The following ENPP3 variants were observed in gnomAD, a reference collection of about 807,000 sequenced individuals.
ENPP3 encodes the protein ectonucleotide pyrophosphatase/phosphodiesterase 3.
Under a neutral mutation model 117.8 loss-of-function variants are expected in ENPP3, and 104 were observed. The observed-to-expected ratio is 0.88, with a 90% CI of 0.75 to 1.04. ENPP3 has a LOEUF of 1.04. Among genes scored for constraint, ENPP3 ranks in the 50% least tolerant of loss-of-function variants. The probability of loss-of-function intolerance (pLI) is 0.00; values close to 1 mark genes in which losing one functional copy is unlikely to be tolerated. For missense variants in ENPP3, 1,026 were observed against 1,051.9 expected (o/e 0.98, Z 0.34); for synonymous variants, 380 against 349.9 (o/e 1.09, Z -0.96).
intron 15 of ENPP3, among the ~76,000 whole-genome samples, chr6:131,696,768 CCTTT>C (rs1194823679): frequency 6.9e-6 from 1 of 144,464 alleles, no homozygotes; most frequent in Non-Finnish European, 1.5e-5. Flanking sequence ...ACCCAGAGCA[CCTTT>C]TTTTTTTTTT....
chr6:131,652,949 T>C (rs1326993697), intron 5 of ENPP3, 58 bp downstream of exon 5: 2 of 1,151,190 alleles, frequency 1.7e-6, no homozygotes, highest in African/African-American at 3.1e-5. Context: ...CACATAAGAA[T>C]GTAGTTAGTT....
At chr6:131,650,890 C>T (rs1778248259) in intron 3 of ENPP3, among the ~76,000 whole-genome samples, 1 of 152,070 alleles carries the variant, frequency 6.6e-6, no homozygotes, top group African/African-American at 2.4e-5. Context: ...AAGGTCTACC[C>T]TAATGACCTC....
At chr6:131,660,673 G>A (rs1778479848) in intron 6 of ENPP3, among the ~76,000 whole-genome samples, 1 of 152,168 alleles carries the variant, frequency 6.6e-6, no homozygotes, top group East Asian at 1.9e-4. Flanking sequence ...TTCATGAACA[G>A]CAGAGCTCTT....
At chr6:131,655,541 C>T (rs57126395) in intron 5 of ENPP3, among the ~76,000 whole-genome samples, 3,125 of 152,214 alleles carry the variant, frequency 0.021, 97 homozygotes, top group African/African-American at 0.072. Context: ...ATCAGAAGAA[C>T]GGGTAAGGGG....
In ENPP3 at chr6:131,653,607, G is replaced by A. The variant is rs540683640; in HGVS notation, c.464+716G>A. ...GTCTTCTTTTTTTAAATAAAGATAG[G>A]GTCTCGCAATGTTGGCTAGGTTGAT... On this transcript the variant is annotated intron_variant, in intron 5 of 24. Coordinates refer to ENST00000357639, the MANE Select transcript of ENPP3 (RefSeq NM_005021.5). Among the ~76,000 whole-genome samples, 3 of 151,882 alleles carry A rather than the reference G, an allele frequency of 2.0e-5. No homozygotes were observed. The South Asian group carries it at 6.2e-4, about 32-fold the overall frequency.
intron 21 of ENPP3, 61 bp downstream of exon 21, chr6:131,733,784 A>G: frequency 6.4e-7 from 1 of 1,567,988 alleles, no homozygotes; most frequent in African/African-American, 1.3e-5. Flanking sequence ...GGATGTGGGC[A>G]TGTGCCTTAA....
At chr6:131,734,908 A>G (rs1780364194) in intron 21 of ENPP3, among the ~76,000 whole-genome samples, 1 of 152,028 alleles carries the variant, frequency 6.6e-6, no homozygotes, top group Non-Finnish European at 1.5e-5. Flanking sequence ...TCAAAAAAAA[A>G]AAAAAAAGTT....
At chr6:131,679,988 C>A (rs1215696843) in intron 11 of ENPP3, among the ~76,000 whole-genome samples, 1 of 152,134 alleles carries the variant, frequency 6.6e-6, no homozygotes, top group African/African-American at 2.4e-5. Context: ...TCCTGCAGGG[C>A]CTTGCAGGTC....
At chr6:131,674,303 G>T (rs753628566) in intron 8 of ENPP3, 22 bp downstream of exon 8, 12 of 1,611,468 alleles carry the variant, frequency 7.4e-6, no homozygotes, top group Non-Finnish European at 1.0e-5. Context: ...TCTACACGTC[G>T]CAACTGAAGT....
At chr6:131,656,495 T>G (rs1300647126) in intron 5 of ENPP3, among the ~76,000 whole-genome samples, 1 of 152,122 alleles carries the variant, frequency 6.6e-6, no homozygotes, top group Non-Finnish European at 1.5e-5. Context: ...AGGCCGGGCA[T>G]GGTGGCTCAC....
At chr6:131,639,537 T>C (rs1778000417) in intron 1 of ENPP3, among the ~76,000 whole-genome samples, 1 of 152,134 alleles carries the variant, frequency 6.6e-6, no homozygotes, top group Admixed American at 6.6e-5. Flanking sequence ...CTAGTGGTTT[T>C]TGAGTATATA....
At position 131,701,473 on chromosome 6, in the gene ENPP3, A is replaced by T. The variant is rs562370015; in HGVS notation, c.1412+7849A>T. On this transcript the variant is annotated intron_variant, in intron 15 of 24. Transcript: ENST00000357639. ...AGTGTTTAAAAACAGATTCATTTTA[A>T]CTTGTTCGGCACTCTTTGGTGAAGT... 2.0e-4 allele frequency: 125 copies of T among 640,166 alleles called. 2 individuals carry two copies. The East Asian group carries it at 3.3e-3, about 17-fold the overall frequency. The allele number at this position is 640,166 out of a possible 1,614,324, so 39.7% of individuals were successfully genotyped here. A position where few individuals can be genotyped will look rare whatever the true frequency, so the allele number is the denominator to read the frequency against.
chr6:131,688,208 CA>C (rs1309027632), intron 14 of ENPP3, among the ~76,000 whole-genome samples: 1 of 152,132 alleles, frequency 6.6e-6, no homozygotes, highest in African/African-American at 2.4e-5. Context: ...GCAAACTTAA[CA>C]GATAAATATT....
intron 24 of ENPP3, among the ~76,000 whole-genome samples, chr6:131,740,929 A>T (rs1780515806): frequency 6.6e-6 from 1 of 152,080 alleles, no homozygotes; most frequent in Admixed American, 6.6e-5. Flanking sequence ...TCTGGCCACA[A>T]ATCTTAAAGT....
chr6:131,686,906 A>G (rs901715236), intron 14 of ENPP3, among the ~76,000 whole-genome samples: 5 of 152,138 alleles, frequency 3.3e-5, no homozygotes, highest in South Asian at 2.1e-4. Flanking sequence ...TCTTTATCCA[A>G]TATACCATTG....
At position 131,726,184 on chromosome 6, in the gene ENPP3, A is replaced by G; in HGVS notation, c.1937A>G (p.Tyr646Cys). ...ATGAGGATGCCCATGTGGAGTTCAT[A>G]CACAGTCCCCCAGTTGGTAAGTTCC... ...KAMRMPMWSS[Y>C]TVPQLGDTSP... Residue 646 changes from tyrosine to cysteine, a missense_variant, in exon 20 of 25, where the codon TAC (tyrosine) becomes TGC (cysteine). Tyr to Cys is a radical substitution (Grantham distance 194). Transcript: ENST00000357639. The G allele has an allele frequency of 6.2e-7, 1 of 1,613,872 alleles. No individual in the cohort carries two copies. The highest frequency in any genetic ancestry group is 8.5e-7 in the Non-Finnish European group (1 of 1,179,816).
chr6:131,668,776 T>A (rs1156700281), intron 6 of ENPP3, among the ~76,000 whole-genome samples: 1 of 152,234 alleles, frequency 6.6e-6, no homozygotes, highest in African/African-American at 2.4e-5. Context: ...TCTTCCTACT[T>A]TTCCTTTGCA....
Position 131,641,085 on chromosome 6 carries a change from A to C in ENPP3, c.79-370A>C, listed in dbSNP as rs530929004. 3.9e-5 allele frequency among the ~76,000 whole-genome samples: 6 copies of C among 152,298 alleles called. No individual in the cohort carries two copies. In the East Asian group the frequency reaches 1.2e-3, roughly 29 times the overall value. ...ATTTAACAGTTCTGCAATTCTTTTC[A>C]ATAAATGATCACAAATGGGTGCCTG... is the stretch of plus-strand genomic sequence containing the variant. On this transcript the variant is annotated intron_variant, in intron 1 of 24. Transcript: ENST00000357639.
intron 2 of ENPP3, among the ~76,000 whole-genome samples, chr6:131,647,458 T>C (rs1030695272): frequency 2.6e-5 from 4 of 152,208 alleles, no homozygotes; most frequent in African/African-American, 9.6e-5. Context: ...TATGTTTCTT[T>C]AGTATAAAGT....
Sources: allele counts gnomAD v4.1 joint callset (sites outside exome capture counted in the v4.1 genomes callset), GRCh38; gene constraint gnomAD v4.1.1; transcripts MANE v1.5; gene names NCBI Gene and HGNC (gene_info 2026-07-23, HGNC 2026-07-21).